Variants in SLC9A9 observed in about 807,000 individuals in gnomAD.
SLC9A9 encodes the protein sodium/hydrogen exchanger 9.
A neutral mutation model predicts 77.8 loss-of-function variants in SLC9A9; 62 were observed. That is an observed-to-expected ratio of 0.80 (90% CI 0.65 to 0.98). The LOEUF is 0.98. Among genes scored for constraint, SLC9A9 ranks in the 50% least tolerant of loss-of-function variants. SLC9A9 has a pLI of 0.00. For missense variants in SLC9A9, 775 were observed against 774.9 expected, an observed-to-expected ratio of 1.00 and a Z score of 0.00; for synonymous variants, 320 against 283.5, an observed-to-expected ratio of 1.13 and a Z score of -1.29.
intron 8 of SLC9A9, among the ~76,000 whole-genome samples, chr3:143,563,921 A>G (rs1663673336): frequency 6.6e-6 from 1 of 152,134 alleles, no homozygotes; most frequent in Non-Finnish European, 1.5e-5. Context: ...CCTGTCAACT[A>G]GATTACCCAG....
At chr3:143,538,499 C>T (rs2036630818) in intron 9 of SLC9A9, among the ~76,000 whole-genome samples, 1 of 152,180 alleles carries the variant, frequency 6.6e-6, no homozygotes, top group African/African-American at 2.4e-5. Context: ...TGAATAAGGA[C>T]ATAAAAAGTT....
intron 2 of SLC9A9, among the ~76,000 whole-genome samples, chr3:143,812,672 C>T (rs1483002752): frequency 6.6e-6 from 1 of 152,098 alleles, no homozygotes; most frequent in African/African-American, 2.4e-5. Flanking sequence ...CCTAAAAATC[C>T]CCCAGATTTT....
At chr3:143,699,493 A>C (rs919030944) in intron 4 of SLC9A9, among the ~76,000 whole-genome samples, 5 of 152,188 alleles carry the variant, frequency 3.3e-5, no homozygotes, top group African/African-American at 9.7e-5. Flanking sequence ...TGTAGCATGG[A>C]TAAAGAGAAT....
intron 6 of SLC9A9, among the ~76,000 whole-genome samples, chr3:143,589,436 G>T (rs1576595177): frequency 6.6e-6 from 1 of 152,036 alleles, no homozygotes; most frequent in South Asian, 2.1e-4. Context: ...TTACAATACG[G>T]TATTTTTTTA....
rs745908671 is a variant in SLC9A9, at chr3:143,552,439, C to G, written c.1012G>C (p.Val338Leu). The G allele has an allele frequency of 6.2e-7, 1 of 1,612,908 alleles. No homozygotes were observed. Among genetic ancestry groups the G allele is most frequent in the Non-Finnish European group, 8.5e-7 (1 of 1,179,444 alleles). ...GCTTGTGTGACTCCACAGAAGAGAA[C>G]AGCAACTATCCCTGAAATTAAAAAA... ...EAAGLTGIVA[V>L]LFCGVTQAHY... Residue 338 changes from valine to leucine, a missense_variant, in exon 9 of 16, where the codon GTT becomes CTT. Val to Leu is a conservative substitution (Grantham distance 32). Transcript: ENST00000316549.
intron 15 of SLC9A9, 102 bp from the exon 16 acceptor site, chr3:143,267,031 T>A: frequency 9.6e-7 from 1 of 1,041,230 alleles, no homozygotes; most frequent in Non-Finnish European, 1.4e-6. Context: ...CATGTTTTCC[T>A]TTCTGTAACT....
In SLC9A9 at chr3:143,538,569, A is replaced by G. The variant is rs182842394; in HGVS notation, c.1089+13793T>C. On this transcript the variant is annotated intron_variant, in intron 9 of 15. Coordinates refer to ENST00000316549, the MANE Select transcript of SLC9A9 (RefSeq NM_173653.4). Reference sequence around the variant, plus strand: ...CTCGGCACTAGTCACAGAACTTCACATTAACCATCCAGAAACCTGGTGTGT... The same window carrying G: ...CTCGGCACTAGTCACAGAACTTCACGTTAACCATCCAGAAACCTGGTGTGT... 3.3e-3 allele frequency among the ~76,000 whole-genome samples: 502 copies of G among 152,298 alleles called. 4 individuals are homozygous for G. Among genetic ancestry groups the G allele is most frequent in the Non-Finnish European group, 2.1e-3 (146 of 68,020 alleles).
At chr3:143,268,051 T>C (rs946416736) in intron 15 of SLC9A9, among the ~76,000 whole-genome samples, 1 of 152,252 alleles carries the variant, frequency 6.6e-6, no homozygotes, top group Non-Finnish European at 1.5e-5. Flanking sequence ...TGGAGACTAC[T>C]GTTTGAGAAC....
intron 6 of SLC9A9, among the ~76,000 whole-genome samples, chr3:143,650,986 C>A (rs557206934): frequency 1.3e-5 from 2 of 152,338 alleles, no homozygotes; most frequent in East Asian, 3.9e-4. Flanking sequence ...CGGCATGATT[C>A]TTTCCCAAGC....
At chr3:143,564,023 T>C (rs573982999) in intron 8 of SLC9A9, among the ~76,000 whole-genome samples, 1 of 152,264 alleles carries the variant, frequency 6.6e-6, no homozygotes, top group South Asian at 2.1e-4. Flanking sequence ...ACATGTCAGG[T>C]ACTCAAATAC....
At chr3:143,834,239 T>G (rs1042521805) in intron 1 of SLC9A9, among the ~76,000 whole-genome samples, 3 of 152,196 alleles carry the variant, frequency 2.0e-5, no homozygotes, top group Non-Finnish European at 2.9e-5. Context: ...TACGTAACCC[T>G]CACTGAGTGC....
chr3:143,840,133 TTC>T (rs1157557326), intron 1 of SLC9A9, among the ~76,000 whole-genome samples: 3 of 152,228 alleles, frequency 2.0e-5, no homozygotes, highest in Non-Finnish European at 4.4e-5. Flanking sequence ...ACCCCAGAGT[TTC>T]TGATTCCCTA....
At chr3:143,622,912 G>A (rs2038247054) in intron 6 of SLC9A9, among the ~76,000 whole-genome samples, 1 of 152,146 alleles carries the variant, frequency 6.6e-6, no homozygotes, top group South Asian at 2.1e-4. Context: ...TAAAGGGATG[G>A]AGGAAGATCT....
At chr3:143,392,983 C>A (rs2033608831) in intron 12 of SLC9A9, among the ~76,000 whole-genome samples, 1 of 152,176 alleles carries the variant, frequency 6.6e-6, no homozygotes, top group African/African-American at 2.4e-5. Context: ...TAGACTCCCA[C>A]ACAATAATAA....
At chr3:143,578,775 A>G in intron 6 of SLC9A9, 52 bp from the exon 7 acceptor site, 1 of 1,611,518 alleles carries the variant, frequency 6.2e-7, no homozygotes. Context: ...CTCATAGCCC[A>G]GATAGGATTT....
At chr3:143,533,264 A>G (rs546380359) in intron 9 of SLC9A9, among the ~76,000 whole-genome samples, 7 of 152,322 alleles carry the variant, frequency 4.6e-5, no homozygotes, top group Admixed American at 1.3e-4. Flanking sequence ...TCCAGGACAT[A>G]CCACAAATAC....
At chr3:143,635,067 A>C (rs2038495337) in intron 6 of SLC9A9, among the ~76,000 whole-genome samples, 1 of 152,128 alleles carries the variant, frequency 6.6e-6, no homozygotes, top group Non-Finnish European at 1.5e-5. Context: ...ACATTTCTGC[A>C]AATTGGGCAG....
chr3:143,725,245 G>C (rs1934609474), intron 4 of SLC9A9, among the ~76,000 whole-genome samples: 2 of 152,124 alleles, frequency 1.3e-5, no homozygotes, highest in South Asian at 4.1e-4. Flanking sequence ...AACAGGTGCT[G>C]GAAAGGATGT....
intron 12 of SLC9A9, among the ~76,000 whole-genome samples, chr3:143,450,480 C>T (rs915824788): frequency 6.6e-6 from 1 of 151,668 alleles, no homozygotes; most frequent in Non-Finnish European, 1.5e-5. Flanking sequence ...ATAATTATCT[C>T]TGTGTGAAAG....
Sources: allele counts gnomAD v4.1 joint callset (sites outside exome capture counted in the v4.1 genomes callset), GRCh38; gene constraint gnomAD v4.1.1; transcripts MANE v1.5; gene names NCBI Gene and HGNC (gene_info 2026-07-23, HGNC 2026-07-21).